The following ILDR1 variants were observed in gnomAD, a reference collection of about 807,000 sequenced individuals.
The protein encoded by ILDR1 is immunoglobulin-like domain-containing receptor 1.
ILDR1 carries 56 observed loss-of-function variants against 62.4 expected under a neutral mutation model. The ratio of observed to expected loss-of-function variants is 0.90; its 90% CI spans 0.72 to 1.12. The LOEUF (loss-of-function observed/expected upper bound fraction) is 1.12, where lower values mean the gene tolerates loss of function less well. ILDR1 is among the 50% of genes most tolerant of loss of function. ILDR1 has a pLI of 0.00. For missense variants in ILDR1, 736 were observed against 710.6 expected, an observed-to-expected ratio of 1.04 and a Z score of -0.41; for synonymous variants, 284 against 277.8, an observed-to-expected ratio of 1.02 and a Z score of -0.22.
At chr3:122,055,382 T>C in the ILDR1 span, 27 of 1,097,892 alleles carry the variant, frequency 2.5e-5, no homozygotes, top group East Asian at 6.1e-4. Context: ...GAGGAAGGCT[T>C]GCACAGGGTG....
intron 5 of ILDR1, 53 bp from the exon 6 acceptor site, chr3:121,994,366 CT>C: frequency 6.7e-7 from 1 of 1,495,236 alleles, no homozygotes; most frequent in Non-Finnish European, 8.9e-7. Context: ...AGCCCCACAC[CT>C]CCCACTTCAC....
the ILDR1 span, among the ~76,000 whole-genome samples, chr3:122,031,637 C>G: frequency 3.3e-5 from 5 of 151,906 alleles, no homozygotes; most frequent in African/African-American, 1.2e-4. Flanking sequence ...GAGAGACCCC[C>G]AAAAAACTCT....
chr3:122,006,625 G>C lies in ILDR1; in HGVS notation c.229+366C>G, dbSNP rs1290394089. 2.6e-5 allele frequency among the ~76,000 whole-genome samples: 4 copies of C among 152,034 alleles called. No individual in the cohort carries two copies. In the East Asian group the frequency reaches 7.7e-4, roughly 29 times the overall value. On this transcript the variant is annotated intron_variant, in intron 2 of 7. Coordinates refer to ENST00000344209, the MANE Select transcript of ILDR1 (RefSeq NM_001199799.2). ...TTTGTGCTGAGTGTAGAGTCTTCTT[G>C]CCTGCATTCTAAGGTGGTGGGGGTG...
chr3:122,008,413 G>T (rs1206662588), intron 1 of ILDR1, among the ~76,000 whole-genome samples: 3 of 152,104 alleles, frequency 2.0e-5, no homozygotes, highest in Non-Finnish European at 4.4e-5. Context: ...TTGTGAAGGG[G>T]TTCTCTAGTG....
chr3:122,007,200 A>G, intron 1 of ILDR1, 39 bp from the exon 2 acceptor site: 2 of 1,613,916 alleles, frequency 1.2e-6, no homozygotes, highest in Non-Finnish European at 1.7e-6. Flanking sequence ...AAGGTGACCT[A>G]CTCTGCTCAT....
chr3:122,034,375 G>A, the ILDR1 span, among the ~76,000 whole-genome samples: 1 of 152,144 alleles, frequency 6.6e-6, no homozygotes, highest in Non-Finnish European at 1.5e-5. Flanking sequence ...GAAAATCCTG[G>A]ACAAACTGCA....
At chr3:122,050,796 G>A in the ILDR1 span, among the ~76,000 whole-genome samples, 4 of 151,796 alleles carry the variant, frequency 2.6e-5, no homozygotes, top group Non-Finnish European at 2.9e-5. Context: ...TCAACTTCAA[G>A]GACTCTCTTT....
At chr3:122,022,745 T>C (rs955834404), upstream of ILDR1, among the ~76,000 whole-genome samples, 1 of 152,042 alleles carries the variant, frequency 6.6e-6, no homozygotes, top group African/African-American at 2.4e-5. Flanking sequence ...GGCGAAACCC[T>C]GTCTAATAAA....
chr3:122,042,069 C>T, the ILDR1 span, among the ~76,000 whole-genome samples: 1 of 104,848 alleles, frequency 9.5e-6, no homozygotes, highest in Admixed American at 9.9e-5. Context: ...CTCCCCCCTC[C>T]CCCCACCCCA....
the ILDR1 span, among the ~76,000 whole-genome samples, chr3:122,050,883 T>G: frequency 1.1e-4 from 16 of 152,324 alleles, 1 homozygote; most frequent in African/African-American, 3.6e-4. Flanking sequence ...ATTTCTCATT[T>G]TTGAAGGCTA....
At chr3:122,014,358 A>T (rs929266435) in intron 1 of ILDR1, among the ~76,000 whole-genome samples, 4 of 152,120 alleles carry the variant, frequency 2.6e-5, no homozygotes, top group Non-Finnish European at 5.9e-5. Context: ...TTTTAAATTA[A>T]TCATATTATG....
chr3:122,015,806 C>G (rs1337974201), intron 1 of ILDR1, among the ~76,000 whole-genome samples: 2 of 152,074 alleles, frequency 1.3e-5, no homozygotes, highest in African/African-American at 4.8e-5. Context: ...CGAAATATTT[C>G]CAGAATCTCT....
chr3:122,001,676 T>C, intron 4 of ILDR1, 69 bp downstream of exon 4: 3 of 1,603,270 alleles, frequency 1.9e-6, no homozygotes, highest in Middle Eastern at 1.9e-4. Flanking sequence ...GGTTTTTTTT[T>C]TTTTTTCCTG....
intron 1 of ILDR1, among the ~76,000 whole-genome samples, chr3:122,011,477 G>T (rs1307772939): frequency 6.6e-6 from 1 of 151,852 alleles, no homozygotes; most frequent in Non-Finnish European, 1.5e-5. Context: ...TGCTGCTTGG[G>T]TACTCTTTTA....
intron 3 of ILDR1, 101 bp downstream of exon 3, chr3:122,005,143 A>G (rs891820327): frequency 1.2e-6 from 1 of 827,534 alleles, no homozygotes; most frequent in African/African-American, 1.7e-5. Context: ...ACCAACAGGC[A>G]GCAGAAAGAA....
At position 122,007,016 on chromosome 3, in the gene ILDR1, G is replaced by A; in HGVS notation, c.204C>T (p.Asp68=). ...VTWRFKSFCK[D]PIFDYYSASY... ...ACGCTGAGTAGTAGTCAAAGATAGG[G>A]TCCTTGCAGAAGGACTTGAAGCGCC... The change falls in exon 2 of 8, where the codon GAC becomes GAT. Residue 68 remains aspartate (D), a synonymous_variant. Transcript: ENST00000344209. The A allele has an allele frequency of 1.2e-6, 2 of 1,613,172 alleles. No individual in the cohort carries two copies. The highest frequency in any genetic ancestry group is 1.7e-6 in the Non-Finnish European group (2 of 1,179,990).
At chr3:122,042,017 T>G in the ILDR1 span, among the ~76,000 whole-genome samples, 2 of 133,962 alleles carry the variant, frequency 1.5e-5, no homozygotes, top group African/African-American at 5.6e-5. Context: ...CTGCACCCAC[T>G]AACTCGTCAT....
At chr3:122,035,247 C>T in the ILDR1 span, among the ~76,000 whole-genome samples, 1 of 151,648 alleles carries the variant, frequency 6.6e-6, no homozygotes, top group East Asian at 1.9e-4. Flanking sequence ...GGGAGGAAAA[C>T]AAGAAAAAAA....
intron 1 of ILDR1, among the ~76,000 whole-genome samples, chr3:122,021,223 T>C (rs1356484847): frequency 6.6e-6 from 1 of 152,180 alleles, no homozygotes; most frequent in Non-Finnish European, 1.5e-5. Context: ...TTATAAATTC[T>C]TCTTTGCAAG....
Sources: allele counts gnomAD v4.1 joint callset (sites outside exome capture counted in the v4.1 genomes callset), GRCh38; gene constraint gnomAD v4.1.1; transcripts MANE v1.5; gene names NCBI Gene and HGNC (gene_info 2026-07-23, HGNC 2026-07-21).